Variants in SEC24B observed in about 807,000 individuals in gnomAD.
SEC24B encodes the protein protein transport protein Sec24B.
Under a neutral mutation model 142.8 loss-of-function variants are expected in SEC24B, and 45 were observed. That is an observed-to-expected ratio of 0.32 (90% CI 0.25 to 0.40). The LOEUF (loss-of-function observed/expected upper bound fraction) is 0.40, where lower values mean the gene tolerates loss of function less well. SEC24B is among the 10% of genes least tolerant of loss of function. The probability of loss-of-function intolerance (pLI) is 1.00; values close to 1 mark genes in which losing one functional copy is unlikely to be tolerated. For synonymous variants in SEC24B, 574 were observed against 568.2 expected (o/e 1.01, Z -0.15); for missense variants, 1,409 against 1,526.8 (o/e 0.92, Z 1.29).
Position 109,512,062 on chromosome 4 carries a change from T to C in SEC24B, c.1882T>C (p.Leu628=). Residue 628 remains leucine, a synonymous_variant, in exon 9 of 24, where the codon TTG becomes CTG. Coordinates refer to ENST00000265175, the MANE Select transcript of SEC24B (RefSeq NM_006323.5). ...TGATCAACGTAGATGGAAATGCAAT[T>C]TGTGCTATAGAGTAAACGATGGTGA... ...FIDQRRWKCN[L]CYRVNDVPEE... The C allele has an allele frequency of 6.2e-7, 1 of 1,613,530 alleles. No individual in the cohort carries two copies. The highest frequency in any genetic ancestry group is 2.2e-5 in the East Asian group (1 of 44,868).
intron 1 of SEC24B, among the ~76,000 whole-genome samples, chr4:109,458,320 T>C (rs1730911453): frequency 6.6e-6 from 1 of 152,252 alleles, no homozygotes; most frequent in Non-Finnish European, 1.5e-5. Context: ...TATTTTCTTT[T>C]CATTTTTGGA....
Position 109,441,832 on chromosome 4 carries a change from A to G in SEC24B, c.133+7830A>G, listed in dbSNP as rs1255904236. ...AGTGAGATTTAATCCAGTTGTTTAC[A>G]TAGCCTGTGTCTGTAGGCTCTGTCC... is the stretch of plus-strand genomic sequence containing the variant. On this transcript the variant is annotated intron_variant, in intron 1 of 23. Coordinates refer to ENST00000265175, the MANE Select transcript of SEC24B (RefSeq NM_006323.5). Among the ~76,000 whole-genome samples, 8 of 152,236 alleles carry G rather than the reference A, an allele frequency of 5.3e-5. No homozygotes were observed. The East Asian group carries it at 1.2e-3, about 22-fold the overall frequency.
chr4:109,509,938 GTTATC>G (rs1190006564), intron 7 of SEC24B, 66 bp from the exon 8 acceptor site: 11 of 881,806 alleles, frequency 1.2e-5, no homozygotes, highest in African/African-American at 6.9e-5. Context: ...AATGTTCTTA[GTTATC>G]TTATCTACTT....
chr4:109,471,333 T>G (rs928670416), intron 2 of SEC24B, among the ~76,000 whole-genome samples: 1 of 151,850 alleles, frequency 6.6e-6, no homozygotes, highest in African/African-American at 2.4e-5. Context: ...TCAGTAGAGA[T>G]AGGGTTTTGC....
chr4:109,531,469 C>T lies in SEC24B; in HGVS notation c.3337C>T (p.Leu1113=). Residue 1113 remains leucine (L), a synonymous_variant, in exon 20 of 24, where the codon CTA becomes TTA. Transcript: ENST00000265175. ...CQIKSQPLVH[L]MKMIHPNLYR... ...GATAAAGTCTCAGCCACTTGTTCAT[C>T]TAATGAAAATGATTCATCCCAACTT... 6.2e-7 allele frequency: 1 copy of T among 1,610,934 alleles called. No individual in the cohort carries two copies. The highest frequency in any genetic ancestry group is 2.2e-5 in the East Asian group (1 of 44,844).
rs780636677 is a variant in SEC24B, at chr4:109,524,845, G to T, written c.2536G>T (p.Asp846Tyr). The T allele has an allele frequency of 6.2e-7, 1 of 1,612,188 alleles. No individual in the cohort carries two copies. Residue 846 changes from aspartate to tyrosine, a missense_variant, in exon 15 of 24, where the codon GAT (aspartate) becomes TAT (tyrosine). Physicochemically the swap from Asp to Tyr is radical, Grantham distance 160. Around this residue, in one of 2 missense-constraint regions of SEC24B, gnomAD observed 700 missense variants for 853.3 expected, o/e 0.82. Transcript: ENST00000265175. ...KVVQHLGPAT[D>Y]FYKKLALDCS... is the part of the protein sequence containing the mutation. Reference sequence around the variant, plus strand: ...GGTACAACATCTTGGCCCTGCAACTGATTTTTATAAGAAACTTGCATTAGA... The same window carrying T: ...GGTACAACATCTTGGCCCTGCAACTTATTTTTATAAGAAACTTGCATTAGA...
intron 19 of SEC24B, 46 bp downstream of exon 19, chr4:109,530,510 C>A: frequency 1.4e-6 from 2 of 1,460,980 alleles, no homozygotes; most frequent in Middle Eastern, 3.6e-4. Flanking sequence ...TTTTAAAATT[C>A]TCAGATATGT....
intron 14 of SEC24B, among the ~76,000 whole-genome samples, chr4:109,524,527 G>A (rs75864531): frequency 0.015 from 2,331 of 152,182 alleles, 42 homozygotes; most frequent in African/African-American, 0.04. Context: ...TCTTGGTCAA[G>A]TTACTTAATC....
chr4:109,440,315 C>G (rs1416960732), intron 1 of SEC24B, among the ~76,000 whole-genome samples: 2 of 152,156 alleles, frequency 1.3e-5, no homozygotes, highest in Non-Finnish European at 2.9e-5. Context: ...ATTGCCACCA[C>G]TAGTATTTCA....
chr4:109,533,313 G>C (rs975608370), intron 21 of SEC24B, among the ~76,000 whole-genome samples: 1 of 152,152 alleles, frequency 6.6e-6, no homozygotes, highest in African/African-American at 2.4e-5. Flanking sequence ...TAGTGGATGG[G>C]AAATACAGTG....
intron 7 of SEC24B, among the ~76,000 whole-genome samples, chr4:109,508,860 C>T (rs1276931531): frequency 1.3e-5 from 2 of 152,094 alleles, no homozygotes; most frequent in African/African-American, 4.8e-5. Context: ...TTATCAAATG[C>T]CTTGGAAGTT....
At chr4:109,533,554 A>G (rs1725163438) in intron 21 of SEC24B, 39 bp from the exon 22 acceptor site, 2 of 1,205,982 alleles carry the variant, frequency 1.7e-6, no homozygotes, top group East Asian at 2.3e-5. Context: ...TGAATTAACT[A>G]TTAGGGAGTT....
At chr4:109,443,586 T>A (rs993714085) in intron 1 of SEC24B, among the ~76,000 whole-genome samples, 6 of 152,102 alleles carry the variant, frequency 3.9e-5, no homozygotes, top group Non-Finnish European at 8.8e-5. Context: ...ATGTAGCTCC[T>A]CTTTACATAA....
At chr4:109,450,950 C>T (rs1730017914) in intron 1 of SEC24B, 1 of 152,020 alleles carries the variant, frequency 6.6e-6, no homozygotes, top group African/African-American at 2.4e-5. Context: ...TGATGTCAAA[C>T]TTAGTGTAGA....
At chr4:109,477,733 C>T (rs1322677630) in intron 3 of SEC24B, among the ~76,000 whole-genome samples, 1 of 152,174 alleles carries the variant, frequency 6.6e-6, no homozygotes, top group East Asian at 1.9e-4. Flanking sequence ...GTCCTCAAAA[C>T]TTATCAAAGC....
chr4:109,483,128 G>A (rs1227827439), intron 4 of SEC24B, among the ~76,000 whole-genome samples: 2 of 148,760 alleles, frequency 1.3e-5, no homozygotes, highest in African/African-American at 5.0e-5. Context: ...TGCCCAGGCT[G>A]GAGTGCAGTG....
chr4:109,434,669 T>C (rs1728228786), intron 1 of SEC24B, among the ~76,000 whole-genome samples: 1 of 152,222 alleles, frequency 6.6e-6, no homozygotes, highest in Admixed American at 6.5e-5. Flanking sequence ...CTCAAGCTTT[T>C]GGAGTTTGCT....
In SEC24B at chr4:109,512,879, C is replaced by A. The variant is rs1186884433; in HGVS notation, c.1903+796C>A. ...GTCTCGCTATGTTGGCCAGGCTAAT[C>A]CTGAACTCCTGGGCTCAAATGATCC... On this transcript the variant is annotated intron_variant, in intron 9 of 23. Transcript: ENST00000265175. Among the ~76,000 whole-genome samples the A allele has an allele frequency of 4.6e-5, 7 of 151,522 alleles. No homozygotes were observed. The East Asian group carries it at 1.4e-3, about 29-fold the overall frequency.
chr4:109,475,638 A>G (rs1413823724), intron 3 of SEC24B, among the ~76,000 whole-genome samples: 1 of 152,160 alleles, frequency 6.6e-6, no homozygotes, highest in Non-Finnish European at 1.5e-5. Context: ...AGTTTTTAAC[A>G]TATATGCTGG....
Sources: gnomAD v4.1 joint callset for allele counts (sites outside exome capture counted in the v4.1 genomes callset) on GRCh38, gnomAD v4.1.1 for gene constraint, gnomAD v4.1.1 regional missense constraint, MANE v1.5 for transcripts, NCBI Gene and HGNC (gene_info 2026-07-23, HGNC 2026-07-21) for gene names.